PDE1C: variants seen among roughly 807,000 people sequenced by gnomAD.
PDE1C encodes dual specificity calcium/calmodulin-dependent 3',5'-cyclic nucleotide phosphodiesterase 1C.
PDE1C carries 62 observed loss-of-function variants against 93.1 expected under a neutral mutation model. The observed-to-expected ratio is 0.67, with a 90% CI of 0.54 to 0.82. The LOEUF is 0.82. PDE1C is among the 40% of genes least tolerant of loss of function. The pLI, the probability that PDE1C is intolerant of heterozygous loss-of-function variation, is 0.00. For synonymous variants in PDE1C, 325 were observed against 310.1 expected (o/e 1.05, Z -0.50); for missense variants, 742 against 884.6 (o/e 0.84, Z 2.04).
At chr7:31,862,609 C>T (rs372712995) in intron 7 of PDE1C, among the ~76,000 whole-genome samples, 9 of 152,118 alleles carry the variant, frequency 5.9e-5, no homozygotes, top group African/African-American at 9.7e-5. Flanking sequence ...GGGAAGGGAA[C>T]TCATTTTTAT....
chr7:31,752,293 C>T lies in PDE1C; in HGVS notation c.*1091G>A, dbSNP rs1305708759. ...GTGATTTTAGTCCTGAATTAAAAAT[C>T]CTAGGGAGAGACACAGAAGGGCTAA... On this transcript the variant is annotated 3_prime_UTR_variant, in exon 18 of 18. Transcript: ENST00000396191. 6.6e-6 allele frequency: 1 copy of T among 152,054 alleles called. No individual in the cohort carries two copies. Among genetic ancestry groups the T allele is most frequent in the African/African-American group, 2.4e-5 (1 of 41,408 alleles). 9.4% of individuals were successfully genotyped at this position (152,054 alleles called of 1,614,324 possible).
intron 1 of PDE1C, among the ~76,000 whole-genome samples, chr7:32,211,591 G>A (rs977069581): frequency 1.1e-4 from 13 of 115,378 alleles, no homozygotes; most frequent in South Asian, 3.2e-4. Context: ...AAAAAAAAAG[G>A]GGGGGGTAAG....
At chr7:31,749,735 A>ATT (rs776124846), downstream of PDE1C, among the ~76,000 whole-genome samples, 3,451 of 131,302 alleles carry the variant, frequency 0.026, 204 homozygotes, top group East Asian at 0.039. Flanking sequence ...CTGTTGTCTA[A>ATT]TTTTTTTTTT....
chr7:31,776,534 A>T (rs1001518539), intron 16 of PDE1C, among the ~76,000 whole-genome samples: 2 of 152,162 alleles, frequency 1.3e-5, no homozygotes, highest in African/African-American at 4.8e-5. Context: ...AAAGGGACAA[A>T]GGGAGAACTG....
At chr7:31,658,095 A>G in the PDE1C span, among the ~76,000 whole-genome samples, 1 of 152,126 alleles carries the variant, frequency 6.6e-6, no homozygotes, top group Admixed American at 6.5e-5. Flanking sequence ...ATGAGGGAAG[A>G]CCCAAGTTGC....
intron 2 of PDE1C, among the ~76,000 whole-genome samples, chr7:31,938,009 G>A (rs1805320764): frequency 6.6e-6 from 1 of 152,024 alleles, no homozygotes; most frequent in African/African-American, 2.4e-5. Flanking sequence ...ATTTATAGAG[G>A]TATGTTATAC....
intron 2 of PDE1C, among the ~76,000 whole-genome samples, chr7:31,887,300 C>A (rs374358074): frequency 6.6e-6 from 1 of 152,106 alleles, no homozygotes. Flanking sequence ...AAGAACAGTG[C>A]CAACAAAAAT....
intron 2 of PDE1C, among the ~76,000 whole-genome samples, chr7:31,942,910 T>C (rs1030585498): frequency 6.6e-6 from 1 of 152,166 alleles, no homozygotes; most frequent in African/African-American, 2.4e-5. Flanking sequence ...ATCACTAAGA[T>C]CCTTTTTAAA....
At chr7:31,665,515 A>G in the PDE1C span, among the ~76,000 whole-genome samples, 1 of 152,124 alleles carries the variant, frequency 6.6e-6, no homozygotes, top group Non-Finnish European at 1.5e-5. Context: ...AAGATACTTA[A>G]TTAATATTAA....
At chr7:32,306,329 G>A (rs762391222) in intron 1 of PDE1C, among the ~76,000 whole-genome samples, 6 of 152,082 alleles carry the variant, frequency 3.9e-5, no homozygotes, top group Non-Finnish European at 7.3e-5. Context: ...ATCCAATAGT[G>A]CCATCTCTGG....
At chr7:32,143,316 C>T (rs948216701) in intron 3 of PDE1C, among the ~76,000 whole-genome samples, 43 of 150,464 alleles carry the variant, frequency 2.9e-4, no homozygotes, top group African/African-American at 9.8e-4. Context: ...ATCCCACATA[C>T]GAGATGACTG....
intron 16 of PDE1C, chr7:31,783,381 G>C (rs1783592607): frequency 6.6e-6 from 1 of 151,940 alleles, no homozygotes; most frequent in African/African-American, 2.4e-5. Flanking sequence ...CTTGGTGCCT[G>C]GGTATTATGA....
intron 1 of PDE1C, among the ~76,000 whole-genome samples, chr7:32,288,153 TA>T (rs931188560): frequency 2.6e-5 from 4 of 152,010 alleles, no homozygotes; most frequent in African/African-American, 9.7e-5. Flanking sequence ...GACTCCGTCT[TA>T]AAAAAACAAA....
At chr7:31,883,995 C>G (rs1165719546) in intron 2 of PDE1C, among the ~76,000 whole-genome samples, 2 of 152,144 alleles carry the variant, frequency 1.3e-5, no homozygotes, top group African/African-American at 4.8e-5. Flanking sequence ...TCAACAGATC[C>G]AGAGAGGAAA....
intron 1 of PDE1C, among the ~76,000 whole-genome samples, chr7:32,313,455 T>G (rs1345461238): frequency 6.6e-6 from 1 of 151,940 alleles, no homozygotes; most frequent in Non-Finnish European, 1.5e-5. Flanking sequence ...CATGCACACG[T>G]ATGTTTATTG....
At chr7:32,085,622 G>A (rs201188396) in intron 3 of PDE1C, among the ~76,000 whole-genome samples, 22,640 of 142,618 alleles carry the variant, frequency 0.16, 2,068 homozygotes, top group East Asian at 0.34. Context: ...CTGGCAAACC[G>A]AATCCAGCAG....
intron 9 of PDE1C, among the ~76,000 whole-genome samples, chr7:31,843,953 A>T (rs960390251): frequency 6.6e-6 from 1 of 151,656 alleles, no homozygotes; most frequent in African/African-American, 2.4e-5. Flanking sequence ...TTTTCTGTCT[A>T]CTGTATAACT....
chr7:32,121,248 C>A (rs1799281419), intron 3 of PDE1C, among the ~76,000 whole-genome samples: 1 of 152,036 alleles, frequency 6.6e-6, no homozygotes, highest in Non-Finnish European at 1.5e-5. Context: ...ACCAAACTTA[C>A]AATTGATTGG....
intron 1 of PDE1C, among the ~76,000 whole-genome samples, chr7:32,229,315 T>C (rs1453870715): frequency 2.6e-5 from 4 of 152,188 alleles, no homozygotes; most frequent in East Asian, 1.9e-4. Flanking sequence ...GCCAGGCAGG[T>C]TGTGCACTGC....
Sources: gnomAD v4.1 joint callset for allele counts (sites outside exome capture counted in the v4.1 genomes callset) on GRCh38, gnomAD v4.1.1 for gene constraint, MANE v1.5 for transcripts, NCBI Gene and HGNC (gene_info 2026-07-23, HGNC 2026-07-21) for gene names.